TMEM209: variants seen among roughly 807,000 people sequenced by gnomAD.
The protein encoded by TMEM209 is transmembrane protein 209, also known as testicular tissue protein Li 202.
TMEM209 carries 65 observed loss-of-function variants against 76.2 expected under a neutral mutation model. That is an observed-to-expected ratio of 0.85 (90% confidence interval 0.70 to 1.05). TMEM209 has a LOEUF of 1.05. TMEM209 is among the 50% of genes least tolerant of loss of function. The pLI, the probability that TMEM209 is intolerant of heterozygous loss-of-function variation, is 0.00. For missense variants in TMEM209, 623 were observed against 685.5 expected (o/e 0.91, Z 1.02); for synonymous variants, 239 against 237.6 (o/e 1.01, Z -0.06).
In TMEM209 at chr7:130,173,877, G is replaced by A. The variant is rs544073286; in HGVS notation, c.1407C>T (p.Pro469=). 2.0e-5 allele frequency: 32 copies of A among 1,613,860 alleles called. No homozygotes were observed. Among genetic ancestry groups the A allele is most frequent in the Middle Eastern group, 1.7e-4 (1 of 6,060 alleles). ...DSRLPPHPKY[P]DGKTFTSQHF... Reference sequence around the variant, plus strand: ...GCTGAGAAGTAAAAGTTTTTCCGTCGGGATACTTCGGATGTGGAGGTAATC... The same window carrying A: ...GCTGAGAAGTAAAAGTTTTTCCGTCAGGATACTTCGGATGTGGAGGTAATC... Residue 469 remains proline (P), a synonymous_variant, in exon 12 of 15, where the codon CCC becomes CCT. Transcript: ENST00000397622.
intron 9 of TMEM209, among the ~76,000 whole-genome samples, chr7:130,179,234 C>T (rs1013989157): frequency 1.3e-5 from 2 of 152,054 alleles, no homozygotes; most frequent in African/African-American, 2.4e-5. Context: ...CACTCAATGT[C>T]GAAGGAATAA....
chr7:130,188,299 A>G (rs1797669452), intron 6 of TMEM209, among the ~76,000 whole-genome samples: 1 of 152,198 alleles, frequency 6.6e-6, no homozygotes, highest in African/African-American at 2.4e-5. Flanking sequence ...ATAAATAATT[A>G]GAAAATCTCC....
chr7:130,192,708 G>A lies in TMEM209; in HGVS notation c.689C>T (p.Thr230Ile), dbSNP rs201829964. Residue 230 changes from threonine to isoleucine, a missense_variant, in exon 6 of 15, where the codon ACT (threonine) becomes ATT (isoleucine). By Grantham distance (89) the Thr-to-Ile change is moderately conservative. Transcript: ENST00000397622. ...RSSPTVYNSP[T>I]DKEDYMTDLR... ...GTCGGTCATGTAGTCTTCTTTGTCAGTAGGTGAGTTGTAGACGGTAGGTGA... is the reference window on the plus strand; with the variant it reads ...GTCGGTCATGTAGTCTTCTTTGTCAATAGGTGAGTTGTAGACGGTAGGTGA... 1.2e-5 allele frequency: 19 copies of A among 1,613,846 alleles called. No individual in the cohort carries two copies. The highest frequency in any genetic ancestry group is 1.7e-5 in the Admixed American group (1 of 60,016).
rs774737785 is a variant in TMEM209 at position 130,202,009 on chromosome 7, ACT to A, written c.412_413del (p.Ser138CysfsTer5). 30 of 1,613,288 alleles carry A rather than the reference ACT, an allele frequency of 1.9e-5. No homozygotes were observed. The highest frequency in any genetic ancestry group is 2.5e-5 in the Non-Finnish European group (29 of 1,179,752). ...APPSPSIQGQSVLSYSPSRSP... is the reference protein window; with the variant it reads ...APPSPSIQGQXVLSYSPSRSP... ...AACGAGAAGGGCTATAACTCAACAC[ACT>A]CTGACCCTGAATTGAAGGGGAAGGT... On this transcript the variant is annotated frameshift_variant, in exon 5 of 15. Transcript: ENST00000397622. LOFTEE classifies it high-confidence loss of function.
rs776153977 is a variant in TMEM209, at chr7:130,178,511, GC to G, written c.1136del (p.Ser379ThrfsTer2). ...CTTTAACCAGGGCAGCTTGTTTCAAGCTAGTAATACTAGCCTCTGTTAACAT... is the reference window on the plus strand; with the variant it reads ...CTTTAACCAGGGCAGCTTGTTTCAAGTAGTAATACTAGCCTCTGTTAACAT... ...ELQIGEASITSLKQAALVKAP... is the reference protein window; with the variant it reads ...ELQIGEASITXLKQAALVKAP... On this transcript the variant is annotated frameshift_variant, in exon 10 of 15. Coordinates refer to ENST00000397622, the MANE Select transcript of TMEM209 (RefSeq NM_032842.4). LOFTEE classifies it high-confidence loss of function. 5.0e-6 allele frequency: 8 copies of G among 1,613,594 alleles called. No individual in the cohort carries two copies. In the African/African-American group the frequency reaches 9.3e-5, roughly 19 times the overall value.
At chr7:130,204,503 G>T (rs1024267481) in intron 1 of TMEM209, among the ~76,000 whole-genome samples, 1 of 152,046 alleles carries the variant, frequency 6.6e-6, no homozygotes, top group Non-Finnish European at 1.5e-5. Context: ...CACCGCGTCC[G>T]ACTGATTTTT....
chr7:130,192,710 A>AG lies in TMEM209; in HGVS notation c.686dup (p.Thr230TyrfsTer2). 1 of 1,613,876 alleles carries AG rather than the reference A, an allele frequency of 6.2e-7. No homozygotes were observed. The highest frequency in any genetic ancestry group is 8.5e-7 in the Non-Finnish European group (1 of 1,179,770). On this transcript the variant is annotated frameshift_variant, in exon 6 of 15. Coordinates refer to ENST00000397622, the MANE Select transcript of TMEM209 (RefSeq NM_032842.4). LOFTEE classifies it high-confidence loss of function. ...CGGTCATGTAGTCTTCTTTGTCAGT[A>AG]GGTGAGTTGTAGACGGTAGGTGAAG...
chr7:130,168,457 T>C (rs1485715585), intron 14 of TMEM209, among the ~76,000 whole-genome samples: 1 of 152,184 alleles, frequency 6.6e-6, no homozygotes, highest in Non-Finnish European at 1.5e-5. Flanking sequence ...TAAAGAATAC[T>C]TGACCTGTAT....
chr7:130,174,059 T>C lies in TMEM209; in HGVS notation c.1345-120A>G, dbSNP rs529220726. 7.8e-4 allele frequency: 499 copies of C among 639,682 alleles called. 2 individuals are homozygous for C. The highest frequency in any genetic ancestry group is 8.7e-4 in the Non-Finnish European group (320 of 368,836). 39.6% of individuals were successfully genotyped at this position (639,682 alleles called of 1,614,324 possible). A position where few individuals can be genotyped will look rare whatever the true frequency, so the allele number is the denominator to read the frequency against. Reference sequence around the variant, plus strand: ...ATTAAAAAATTTTTTCTCTGAAGAGTGAATTAGAAAAATGCTGTCAAATGG... The same window carrying C: ...ATTAAAAAATTTTTTCTCTGAAGAGCGAATTAGAAAAATGCTGTCAAATGG... On this transcript the variant is annotated intron_variant, in intron 11 of 14. Transcript: ENST00000397622.
In TMEM209 at chr7:130,205,063, T is replaced by C. The variant is rs1798393339; in HGVS notation, c.3+310A>G. On this transcript the variant is annotated intron_variant, in intron 1 of 14. Transcript: ENST00000397622. Reference sequence around the variant, plus strand: ...ATTTATAATTCCTCCTTTCTTCAGCTAGGCTCAACTCTTACAGACCGTGCA... The same window carrying C: ...ATTTATAATTCCTCCTTTCTTCAGCCAGGCTCAACTCTTACAGACCGTGCA... The C allele has an allele frequency of 3.0e-6, 4 of 1,340,256 alleles. No homozygotes were observed. The East Asian group carries it at 1.1e-4, about 37-fold the overall frequency. 83.0% of individuals were successfully genotyped at this position (1,340,256 alleles called of 1,614,324 possible).
At chr7:130,193,644 A>G (rs1259448396) in intron 5 of TMEM209, among the ~76,000 whole-genome samples, 1 of 152,186 alleles carries the variant, frequency 6.6e-6, no homozygotes, top group Non-Finnish European at 1.5e-5. Context: ...CTACACGGGT[A>G]TGATTCTAAG....
chr7:130,189,965 G>C (rs1797736789), intron 6 of TMEM209, among the ~76,000 whole-genome samples: 1 of 152,118 alleles, frequency 6.6e-6, no homozygotes. Flanking sequence ...CACAAAATGA[G>C]CCTGACCTAT....
At chr7:130,199,471 C>T (rs1168788289) in intron 5 of TMEM209, among the ~76,000 whole-genome samples, 2 of 152,168 alleles carry the variant, frequency 1.3e-5, no homozygotes, top group Non-Finnish European at 2.9e-5. Context: ...CCGCCTGCCT[C>T]GGCCTCCCAA....
chr7:130,205,392 A>C lies in TMEM209; in HGVS notation c.-17T>G. On this transcript the variant is annotated 5_prime_UTR_variant, in exon 1 of 15. Coordinates refer to ENST00000397622, the MANE Select transcript of TMEM209 (RefSeq NM_032842.4). Reference sequence around the variant, plus strand: ...ACGCACCATGTCCTCTGGCCGGAAAACGCAGGCTCGCGCCACTCTCTCTGG... The same window carrying C: ...ACGCACCATGTCCTCTGGCCGGAAACCGCAGGCTCGCGCCACTCTCTCTGG... 1.9e-6 allele frequency: 3 copies of C among 1,613,836 alleles called. No individual in the cohort carries two copies. Among genetic ancestry groups the C allele is most frequent in the Non-Finnish European group, 2.5e-6 (3 of 1,179,892 alleles).
chr7:130,202,468 T>C, intron 4 of TMEM209, 64 bp downstream of exon 4: 1 of 1,543,650 alleles, frequency 6.5e-7, no homozygotes, highest in Non-Finnish European at 8.7e-7. Context: ...AATGGGAAAA[T>C]TAAACTGAGA....
chr7:130,184,504 T>C (rs923006311), intron 7 of TMEM209, among the ~76,000 whole-genome samples: 1 of 151,466 alleles, frequency 6.6e-6, no homozygotes, highest in African/African-American at 2.4e-5. Flanking sequence ...CTTTTTTTTT[T>C]TTTTTTGAGA....
chr7:130,204,282 C>A (rs962641634), intron 1 of TMEM209, among the ~76,000 whole-genome samples, 172 bp from the exon 2 acceptor site: 15 of 152,116 alleles, frequency 9.9e-5, no homozygotes, highest in African/African-American at 3.6e-4. Flanking sequence ...AAAAGGGAAC[C>A]CAAAATTATA....
At chr7:130,175,727 C>G (rs1315230258) in intron 10 of TMEM209, 118 bp from the exon 11 acceptor site, 1 of 727,622 alleles carries the variant, frequency 1.4e-6, no homozygotes, top group Non-Finnish European at 2.2e-6. Context: ...TCAAAACACC[C>G]AAACCTAAAG....
intron 5 of TMEM209, 111 bp from the exon 6 acceptor site, chr7:130,192,934 GACA>G (rs1162099196): frequency 7.1e-6 from 7 of 984,732 alleles, no homozygotes; most frequent in African/African-American, 1.6e-5. Flanking sequence ...CCACAATACT[GACA>G]ACATCAAACG....
Sources: gnomAD v4.1 joint callset for allele counts (sites outside exome capture counted in the v4.1 genomes callset) on GRCh38, gnomAD v4.1.1 for gene constraint, MANE v1.5 for transcripts, NCBI Gene and HGNC (gene_info 2026-07-23, HGNC 2026-07-21) for gene names.